GRIP1: variants seen among roughly 807,000 people sequenced by gnomAD.
GRIP1 encodes glutamate receptor-interacting protein 1.
Under a neutral mutation model 129.9 loss-of-function variants are expected in GRIP1, and 45 were observed. That is an observed-to-expected ratio of 0.35 (90% CI 0.27 to 0.44). GRIP1 has a LOEUF of 0.44. GRIP1 is among the 20% of genes least tolerant of loss of function. The pLI, the probability that GRIP1 is intolerant of heterozygous loss-of-function variation, is 1.00. For synonymous variants in GRIP1, 530 were observed against 520.8 expected (o/e 1.02, Z -0.24); for missense variants, 1,196 against 1,396.8 (o/e 0.86, Z 2.29).
intron 1 of GRIP1, among the ~76,000 whole-genome samples, chr12:66,619,213 T>C (rs1413058913): frequency 6.6e-6 from 1 of 152,086 alleles, no homozygotes; most frequent in African/African-American, 2.4e-5. Flanking sequence ...ATCCATAGGG[T>C]GAGCAGCAAG....
intron 2 of GRIP1, among the ~76,000 whole-genome samples, chr12:66,589,795 T>G (rs2063786360): frequency 6.6e-6 from 1 of 152,174 alleles, no homozygotes; most frequent in African/African-American, 2.4e-5. Flanking sequence ...TTTGGGAAGC[T>G]GTTCTGAGTC....
intron 1 of GRIP1, among the ~76,000 whole-genome samples, chr12:66,835,995 T>C (rs1465387528): frequency 6.6e-6 from 1 of 152,174 alleles, no homozygotes; most frequent in Non-Finnish European, 1.5e-5. Context: ...ACTCTCTCTA[T>C]ACCTTCCACT....
At chr12:66,711,026 T>C (rs1046422590) in intron 1 of GRIP1, among the ~76,000 whole-genome samples, 16 of 151,866 alleles carry the variant, frequency 1.1e-4, no homozygotes, top group Non-Finnish European at 2.2e-4. Context: ...TGTGACTTCA[T>C]AGAGAGTATC....
intron 1 of GRIP1, among the ~76,000 whole-genome samples, chr12:67,039,836 A>G (rs1416700526): frequency 1.3e-5 from 2 of 152,230 alleles, no homozygotes; most frequent in African/African-American, 4.8e-5. Flanking sequence ...CTCATTATAA[A>G]TAACAATTAT....
chr12:66,714,242 A>G (rs1001282993), intron 1 of GRIP1, among the ~76,000 whole-genome samples: 2 of 152,028 alleles, frequency 1.3e-5, no homozygotes, highest in African/African-American at 4.8e-5. Context: ...ACAATTCACG[A>G]CTTAAGGAGT....
chr12:66,967,339 T>C (rs2042012934), intron 1 of GRIP1, among the ~76,000 whole-genome samples: 1 of 152,304 alleles, frequency 6.6e-6, no homozygotes, highest in African/African-American at 2.4e-5. Context: ...ATATGCAACA[T>C]GTTATTGTTA....
intron 1 of GRIP1, among the ~76,000 whole-genome samples, chr12:66,654,166 A>C (rs1174590814): frequency 6.6e-6 from 1 of 152,216 alleles, no homozygotes. Flanking sequence ...AATCCCTAGC[A>C]GTGATAAGGG....
rs2059345642 is a variant in GRIP1, at chr12:66,468,410, T to C, written c.725-2988A>G. ...TGTGAGCATTGTGAGTTTGGGCCTT[T>C]GATACAATGACTGAATTGGTATTCC... On this transcript the variant is annotated intron_variant, in intron 7 of 24. Transcript: ENST00000359742. 1.3e-5 allele frequency among the ~76,000 whole-genome samples: 2 copies of C among 152,230 alleles called. 1 individual carries two copies. Among genetic ancestry groups the C allele is most frequent in the South Asian group, 4.1e-4 (2 of 4,834 alleles).
At chr12:66,679,844 G>A (rs188181102), upstream of GRIP1, among the ~76,000 whole-genome samples, 4 of 152,186 alleles carry the variant, frequency 2.6e-5, no homozygotes, top group Non-Finnish European at 4.4e-5. Flanking sequence ...CAAATAAAAC[G>A]GTCTTGCGAC....
intron 2 of GRIP1, among the ~76,000 whole-genome samples, chr12:66,552,978 C>A (rs964477714): frequency 2.6e-5 from 4 of 152,182 alleles, no homozygotes; most frequent in Non-Finnish European, 2.9e-5. Context: ...GAATTCAGAA[C>A]TGGAGAAGGC....
intron 1 of GRIP1, among the ~76,000 whole-genome samples, chr12:66,637,873 A>C (rs767433502): frequency 9.2e-5 from 14 of 152,244 alleles, no homozygotes; most frequent in Non-Finnish European, 5.9e-5. Flanking sequence ...TAACTAAGCA[A>C]GCAAAATTCT....
At chr12:66,362,100 G>C (rs1012257707) in intron 23 of GRIP1, among the ~76,000 whole-genome samples, 60 of 150,568 alleles carry the variant, frequency 4.0e-4, no homozygotes, top group African/African-American at 1.4e-3. Context: ...ATCTGAGAGA[G>C]AGGAAGAGAC....
At chr12:66,466,623 C>A (rs1280610093) in intron 7 of GRIP1, among the ~76,000 whole-genome samples, 1 of 152,080 alleles carries the variant, frequency 6.6e-6, no homozygotes, top group African/African-American at 2.4e-5. Context: ...CTTTCTAAGC[C>A]TGCTTGCTTA....
intron 1 of GRIP1, among the ~76,000 whole-genome samples, chr12:66,914,803 T>C (rs1171117986): frequency 3.3e-5 from 5 of 152,158 alleles, no homozygotes; most frequent in Non-Finnish European, 7.4e-5. Context: ...CAAGATACTG[T>C]AGATGAGTCT....
chr12:66,658,588 A>G (rs914208032), intron 1 of GRIP1, among the ~76,000 whole-genome samples: 1 of 137,254 alleles, frequency 7.3e-6, no homozygotes, highest in Admixed American at 7.9e-5. Context: ...CTCAAAAAAA[A>G]AAAAGAAAAA....
intron 11 of GRIP1, among the ~76,000 whole-genome samples, chr12:66,455,053 G>C (rs1010266164): frequency 2.6e-5 from 4 of 151,986 alleles, no homozygotes; most frequent in African/African-American, 7.3e-5. Flanking sequence ...TAAGAACAAA[G>C]GTTTCATGTC....
At chr12:66,379,206 G>A (rs2055975161) in intron 20 of GRIP1, 74 bp downstream of exon 20, 3 of 1,389,044 alleles carry the variant, frequency 2.2e-6, no homozygotes, top group South Asian at 1.2e-5. Flanking sequence ...GCTACTGGAA[G>A]TACAGAAGTT....
intron 6 of GRIP1, 116 bp downstream of exon 6, chr12:66,517,785 A>G (rs1264200945): frequency 4.6e-5 from 33 of 712,782 alleles, no homozygotes; most frequent in Non-Finnish European, 1.5e-5. Context: ...ACATTGTAAC[A>G]TGTTTGCTTA....
At chr12:66,652,934 G>T (rs2032904461) in intron 1 of GRIP1, among the ~76,000 whole-genome samples, 1 of 152,198 alleles carries the variant, frequency 6.6e-6, no homozygotes, top group South Asian at 2.1e-4. Flanking sequence ...GATCTGTAAA[G>T]TAAGAATGCC....
Sources: gnomAD v4.1 joint callset for allele counts (sites outside exome capture counted in the v4.1 genomes callset) on GRCh38, gnomAD v4.1.1 for gene constraint, MANE v1.5 for transcripts, NCBI Gene and HGNC (gene_info 2026-07-23, HGNC 2026-07-21) for gene names.